The following C5 variants were observed in gnomAD, a reference collection of about 807,000 sequenced individuals.
The protein encoded by C5 is C3 and PZP-like alpha-2-macroglobulin domain-containing protein 4.
A neutral mutation model predicts 218.8 loss-of-function variants in C5; 140 were observed. The observed-to-expected ratio is 0.64, with a 90% CI of 0.56 to 0.74. The LOEUF (loss-of-function observed/expected upper bound fraction) is 0.74, where lower values mean the gene tolerates loss of function less well. C5 is among the 30% of genes least tolerant of loss of function. The probability of loss-of-function intolerance (pLI) is 0.00; values close to 1 mark genes in which losing one functional copy is unlikely to be tolerated. For synonymous variants in C5, 614 were observed against 682.3 expected (o/e 0.90, Z 1.56); for missense variants, 1,700 against 1,969.6 (o/e 0.86, Z 2.59).
rs545693854 is a variant in C5 at position 121,006,705 on chromosome 9, AAG to A, written c.2422+197_2422+198del. On this transcript the variant is annotated intron_variant, in intron 19 of 40. Coordinates refer to ENST00000223642, the MANE Select transcript of C5 (RefSeq NM_001735.3). ...TTACAAAAAAAGGAAAAAGAAAAAA[AAG>A]AGAGGAGTGAAAGGAGAAATCAATA... 2.0e-5 allele frequency among the ~76,000 whole-genome samples: 3 copies of A among 152,150 alleles called. No individual in the cohort carries two copies. The East Asian group carries it at 5.8e-4, about 29-fold the overall frequency.
chr9:120,963,109 G>T, intron 34 of C5, 142 bp from the exon 35 acceptor site: 1 of 733,788 alleles, frequency 1.4e-6, no homozygotes, highest in South Asian at 1.5e-5. Flanking sequence ...TCTTGAAAAA[G>T]TCTGAACACA....
the C5 span, among the ~76,000 whole-genome samples, chr9:121,066,594 C>T: frequency 6.6e-6 from 1 of 151,930 alleles, no homozygotes; most frequent in African/African-American, 2.4e-5. Context: ...CCTGTAATCC[C>T]AGCACTTTGG....
At position 121,013,709 on chromosome 9, in the gene C5, C is replaced by T. The variant is rs183150720; in HGVS notation, c.2257+164G>A. ...TACTCTGCTCTGTACTGTACCTCTT[C>T]GGATGCCCAAAAATGAAGGATTTTT... On this transcript the variant is annotated intron_variant, in intron 17 of 40. Transcript: ENST00000223642. 1.6e-3 allele frequency among the ~76,000 whole-genome samples: 239 copies of T among 151,642 alleles called. 3 individuals are homozygous for T. The highest frequency in any genetic ancestry group is 5.7e-3 in the African/African-American group (234 of 41,220).
intron 38 of C5, among the ~76,000 whole-genome samples, chr9:120,959,469 C>T (rs1015266648): frequency 1.3e-5 from 2 of 151,844 alleles, no homozygotes; most frequent in Non-Finnish European, 2.9e-5. Context: ...ATGTTTGCCC[C>T]AGGCTGGTCT....
At chr9:121,021,737 C>T (rs772921758) in intron 10 of C5, 43 bp from the exon 11 acceptor site, 2 of 1,442,348 alleles carry the variant, frequency 1.4e-6, no homozygotes. Context: ...CAGCTCATCA[C>T]TTATTTTAAA....
rs2047233642 is a variant in C5, at chr9:121,008,407, C to T, written c.2348+1G>A. Reference sequence around the variant, plus strand: ...AAGGAAACATGAAAGAAGTATAATACCTTCTGGGAACAAGATGAACTTCCC... The same window carrying T: ...AAGGAAACATGAAAGAAGTATAATATCTTCTGGGAACAAGATGAACTTCCC... On this transcript the variant is annotated splice_donor_variant, in intron 18 of 40. Transcript: ENST00000223642. LOFTEE classifies it high-confidence loss of function. 1 of 1,606,324 alleles carries T rather than the reference C, an allele frequency of 6.2e-7. No homozygotes were observed. Among genetic ancestry groups the T allele is most frequent in the Non-Finnish European group, 8.5e-7 (1 of 1,173,078 alleles).
chr9:121,051,024 T>C (rs940096422), upstream of C5, among the ~76,000 whole-genome samples: 2 of 152,160 alleles, frequency 1.3e-5, no homozygotes, highest in Admixed American at 1.3e-4. Context: ...TCAGTGAGGA[T>C]TTTAATAATT....
chr9:120,959,979 G>T (rs549799772), intron 38 of C5, among the ~76,000 whole-genome samples: 127 of 152,188 alleles, frequency 8.3e-4, no homozygotes, highest in Admixed American at 3.9e-4. Context: ...CTATGTTTTA[G>T]TGCCTGTAAT....
At chr9:120,965,370 A>G (rs2046859430) in intron 33 of C5, among the ~76,000 whole-genome samples, 1 of 151,978 alleles carries the variant, frequency 6.6e-6, no homozygotes, top group Non-Finnish European at 1.5e-5. Flanking sequence ...AAATACAAAA[A>G]TTAGCTGGCT....
At chr9:121,030,257 T>A in intron 7 of C5, 140 bp downstream of exon 7, 1 of 575,704 alleles carries the variant, frequency 1.7e-6, no homozygotes, top group Non-Finnish European at 3.1e-6. Context: ...CAGCATGATG[T>A]CTCCTTTATC....
chr9:121,025,184 A>G (rs2047408993), intron 9 of C5, among the ~76,000 whole-genome samples: 1 of 152,214 alleles, frequency 6.6e-6, no homozygotes, highest in African/African-American at 2.4e-5. Flanking sequence ...TACTTTGGAC[A>G]TGAATTGGGT....
At position 121,018,724 on chromosome 9, in the gene C5, AGAAG is replaced by A. The variant is rs1230158175; in HGVS notation, c.1507-876_1507-873del. ...AGAAAGAAAGAAAAGAAAGAAAGAA[AGAAG>A]GAAGGAAGGAAGGAAAGGAAGGAAG... is the stretch of plus-strand genomic sequence containing the variant. On this transcript the variant is annotated intron_variant, in intron 12 of 40. Coordinates refer to ENST00000223642, the MANE Select transcript of C5 (RefSeq NM_001735.3). Among the ~76,000 whole-genome samples the A allele has an allele frequency of 1.2e-3, 133 of 109,408 alleles. 3 individuals are homozygous for A. The highest frequency in any genetic ancestry group is 4.1e-3 in the African/African-American group (119 of 29,066). The allele number at this position is 109,408 out of a possible 152,430, so 71.8% of individuals were successfully genotyped here.
At chr9:120,997,482 C>A (rs747873708) in intron 21 of C5, 65 bp downstream of exon 21, 1 of 1,159,098 alleles carries the variant, frequency 8.6e-7, no homozygotes, top group South Asian at 1.3e-5. Flanking sequence ...TTTCTCTCCC[C>A]CCCCTTTCTG....
At chr9:121,039,755 T>G (rs1240632428) in intron 3 of C5, among the ~76,000 whole-genome samples, 1 of 152,108 alleles carries the variant, frequency 6.6e-6, no homozygotes, top group East Asian at 1.9e-4. Context: ...TTCATGCCAT[T>G]CTCCTGCCTC....
At chr9:120,992,227 G>A (rs776339353) in intron 22 of C5, among the ~76,000 whole-genome samples, 6 of 152,216 alleles carry the variant, frequency 3.9e-5, no homozygotes, top group Non-Finnish European at 7.3e-5. Context: ...AAAAATGCAG[G>A]AACATTCCTC....
At chr9:121,072,271 T>C in the C5 span, among the ~76,000 whole-genome samples, 5 of 152,166 alleles carry the variant, frequency 3.3e-5, no homozygotes, top group African/African-American at 1.2e-4. Flanking sequence ...ATTTGATGGC[T>C]ATTAATTGAT....
At chr9:121,002,244 G>A (rs12554131) in intron 20 of C5, among the ~76,000 whole-genome samples, 697 of 45,048 alleles carry the variant, frequency 0.015, 7 homozygotes, top group East Asian at 0.037. Context: ...ATATGTATAT[G>A]TATATATATG....
chr9:120,976,998 AG>A, intron 28 of C5, 93 bp from the exon 29 acceptor site: 1 of 1,085,108 alleles, frequency 9.2e-7, no homozygotes, highest in Non-Finnish European at 1.4e-6. Flanking sequence ...TCCAGTTTCT[AG>A]AAGCTACTTA....
At chr9:121,043,700 C>CTTTTTTTT (rs34794535) in intron 2 of C5, among the ~76,000 whole-genome samples, 58 of 120,626 alleles carry the variant, frequency 4.8e-4, no homozygotes, top group East Asian at 1.2e-3. Context: ...GTCCAGCTAA[C>CTTTTTTTT]TTTTTTTTTT....
Sources: gnomAD v4.1 joint callset for allele counts (sites outside exome capture counted in the v4.1 genomes callset) on GRCh38, gnomAD v4.1.1 for gene constraint, MANE v1.5 for transcripts, NCBI Gene and HGNC (gene_info 2026-07-23, HGNC 2026-07-21) for gene names.